C6orf89: variants seen among roughly 807,000 people sequenced by gnomAD.
C6orf89 encodes bombesin receptor-activated protein C6orf89.
C6orf89 carries 29 observed loss-of-function variants against 40.7 expected under a neutral mutation model. The ratio of observed to expected loss-of-function variants is 0.71; its 90% CI spans 0.53 to 0.97. The LOEUF (loss-of-function observed/expected upper bound fraction) is 0.97. Ranked by LOEUF, C6orf89 falls within the 50% of genes least tolerant of loss-of-function variation. C6orf89 has a pLI of 0.00. For missense variants in C6orf89, 392 were observed against 429.1 expected (o/e 0.91, Z 0.76); for synonymous variants, 165 against 152.2 (o/e 1.08, Z -0.62).
intron 8 of C6orf89, among the ~76,000 whole-genome samples, chr6:36,921,744 G>C (rs1293744148): frequency 6.6e-6 from 1 of 152,000 alleles, no homozygotes; most frequent in Non-Finnish European, 1.5e-5. Context: ...AGCATTGTTA[G>C]GGGCTGAGCA....
chr6:36,921,559 C>T (rs1000872749), intron 8 of C6orf89, among the ~76,000 whole-genome samples: 1 of 152,098 alleles, frequency 6.6e-6, no homozygotes, highest in Non-Finnish European at 1.5e-5. Context: ...GACCAAGTCA[C>T]CAAGTAAAAG....
Position 36,926,593 on chromosome 6 carries a change from A to C in C6orf89, c.*3152A>C, listed in dbSNP as rs1762686020. On this transcript the variant is annotated 3_prime_UTR_variant, in exon 9 of 9. Coordinates refer to ENST00000480824, the MANE Select transcript of C6orf89 (RefSeq NM_001286635.2). ...AGAAAAGAAGAGGGGAGGGGAGGGAAAGGGAAGGGAGGGGAGGGGAGGAGA... is the reference window on the plus strand; with the variant it reads ...AGAAAAGAAGAGGGGAGGGGAGGGACAGGGAAGGGAGGGGAGGGGAGGAGA... The C allele has an allele frequency of 1.2e-5, 1 of 85,402 alleles. No homozygotes were observed. Among genetic ancestry groups the C allele is most frequent in the Non-Finnish European group, 2.0e-5 (1 of 50,358 alleles). The allele number at this position is 85,402 out of a possible 1,614,324, so 5.3% of individuals were successfully genotyped here.
At chr6:36,910,927 A>G (rs1483268316) in intron 4 of C6orf89, among the ~76,000 whole-genome samples, 1 of 152,098 alleles carries the variant, frequency 6.6e-6, no homozygotes, top group African/African-American at 2.4e-5. Flanking sequence ...AAAGCTATTG[A>G]TTTTTATGTA....
At chr6:36,902,020 A>G (rs1761740246) in intron 3 of C6orf89, among the ~76,000 whole-genome samples, 1 of 152,176 alleles carries the variant, frequency 6.6e-6, no homozygotes. Context: ...ATATGGTAGC[A>G]GCTTGGTGAG....
At chr6:36,886,119 C>T (rs1455454343) in intron 1 of C6orf89, 91 bp downstream of exon 1, 1 of 1,094,810 alleles carries the variant, frequency 9.1e-7, no homozygotes, top group Non-Finnish European at 1.2e-6. Flanking sequence ...GCAGCCGCTT[C>T]TCGCCGCTGC....
At chr6:36,911,932 C>CA (rs56760506) in intron 4 of C6orf89, among the ~76,000 whole-genome samples, 3 of 76,462 alleles carry the variant, frequency 3.9e-5, no homozygotes, top group Non-Finnish European at 8.3e-5. Flanking sequence ...CACAGTGAAC[C>CA]CCCCCCCCCC....
chr6:36,883,520 T>C (rs765004941), upstream of C6orf89, among the ~76,000 whole-genome samples: 6 of 152,256 alleles, frequency 3.9e-5, no homozygotes, highest in Non-Finnish European at 2.9e-5. Context: ...GGGTCTATTA[T>C]ATGCACTTAT....
intron 4 of C6orf89, among the ~76,000 whole-genome samples, chr6:36,910,616 T>C (rs572418691): frequency 1.3e-5 from 2 of 152,046 alleles, no homozygotes; most frequent in Non-Finnish European, 2.9e-5. Flanking sequence ...TAGTCCCAGC[T>C]ACTTGGGAGG....
intron 1 of C6orf89, among the ~76,000 whole-genome samples, chr6:36,877,434 G>A (rs1345237457): frequency 6.6e-6 from 1 of 152,150 alleles, no homozygotes; most frequent in African/African-American, 2.4e-5. Context: ...GGGTTCAAGC[G>A]ATTCTCCTGC....
intron 2 of C6orf89, among the ~76,000 whole-genome samples, chr6:36,879,918 A>C (rs573566972): frequency 2.6e-5 from 4 of 152,334 alleles, no homozygotes; most frequent in Admixed American, 2.6e-4. Context: ...CTGCAAGCTC[A>C]AAATTAACTA....
In C6orf89 at chr6:36,913,856, G is replaced by A. The variant is rs577836995; in HGVS notation, c.404-428G>A. On this transcript the variant is annotated intron_variant, in intron 4 of 8. Coordinates refer to ENST00000480824, the MANE Select transcript of C6orf89 (RefSeq NM_001286635.2). The stretch of plus-strand genomic sequence containing the variant: ...TCAGCGGTCTCCAGTGCTTATCATT[G>A]TTTGTTTTTAAAAATTATTATGGGC... Among the ~76,000 whole-genome samples the A allele has an allele frequency of 0.02, 3,047 of 152,250 alleles. 200 individuals are homozygous for A. The East Asian group carries it at 0.26, about 13-fold the overall frequency.
chr6:36,905,427 A>C (rs1761892210), intron 4 of C6orf89, among the ~76,000 whole-genome samples: 1 of 152,224 alleles, frequency 6.6e-6, no homozygotes, highest in African/African-American at 2.4e-5. Context: ...ACTTTCTCTT[A>C]ACTCCCTAGT....
At chr6:36,895,861 T>C (rs1761407211) in intron 2 of C6orf89, among the ~76,000 whole-genome samples, 7 of 152,246 alleles carry the variant, frequency 4.6e-5, no homozygotes, top group Admixed American at 4.6e-4. Context: ...CTTAGGCACA[T>C]ACCTAGAAGT....
At chr6:36,905,105 C>G (rs1761879181) in intron 4 of C6orf89, among the ~76,000 whole-genome samples, 1 of 152,190 alleles carries the variant, frequency 6.6e-6, no homozygotes, top group Admixed American at 6.5e-5. Context: ...TTATTACTTA[C>G]CAGATGCCAG....
intron 1 of C6orf89, 31 bp downstream of exon 1, chr6:36,886,059 G>A (rs1188239981): frequency 5.8e-6 from 7 of 1,201,440 alleles, no homozygotes; most frequent in Non-Finnish European, 7.2e-6. Flanking sequence ...GCTGGGTGGG[G>A]GGAGGCCGCC....
At chr6:36,901,212 C>T (rs1761671545) in intron 3 of C6orf89, among the ~76,000 whole-genome samples, 2 of 150,750 alleles carry the variant, frequency 1.3e-5, no homozygotes, top group African/African-American at 4.9e-5. Context: ...GAACTCTTGA[C>T]CTAAGGTGAT....
chr6:36,890,475 ATTTC>A (rs1301608398), intron 1 of C6orf89, among the ~76,000 whole-genome samples: 1 of 152,024 alleles, frequency 6.6e-6, no homozygotes, highest in Non-Finnish European at 1.5e-5. Context: ...AAATAGCAGG[ATTTC>A]TTTCTTTTTT....
intron 8 of C6orf89, among the ~76,000 whole-genome samples, chr6:36,920,226 A>G (rs1367967166): frequency 2.0e-5 from 3 of 152,228 alleles, no homozygotes; most frequent in African/African-American, 7.2e-5. Context: ...GCCACAGCCA[A>G]GTCACAGCCT....
At chr6:36,885,179 A>AT (rs1311043298), upstream of C6orf89, among the ~76,000 whole-genome samples, 2 of 152,230 alleles carry the variant, frequency 1.3e-5, no homozygotes, top group Admixed American at 6.5e-5. Flanking sequence ...CTAACTTAAT[A>AT]GTATACACCT....
Sources: allele counts gnomAD v4.1 joint callset (sites outside exome capture counted in the v4.1 genomes callset), GRCh38; gene constraint gnomAD v4.1.1; transcripts MANE v1.5; gene names NCBI Gene and HGNC (gene_info 2026-07-23, HGNC 2026-07-21).